Variants in PPARGC1A observed in about 807,000 individuals in gnomAD.
The protein encoded by PPARGC1A is peroxisome proliferator-activated receptor gamma coactivator 1-alpha.
In PPARGC1A, 25 loss-of-function variants were observed where a neutral mutation model predicts 88.7. The observed-to-expected ratio is 0.28, with a 90% CI of 0.21 to 0.39. The LOEUF (loss-of-function observed/expected upper bound fraction) is 0.39. PPARGC1A is among the 10% of genes least tolerant of loss of function. The pLI is 1.00. For synonymous variants in PPARGC1A, 363 were observed against 355.6 expected, an observed-to-expected ratio of 1.02 and a Z score of -0.24; for missense variants, 880 against 968.7, an observed-to-expected ratio of 0.91 and a Z score of 1.22.
At chr4:24,286,246 G>C in the PPARGC1A span, among the ~76,000 whole-genome samples, 10 of 152,100 alleles carry the variant, frequency 6.6e-5, no homozygotes, top group African/African-American at 9.7e-5. Flanking sequence ...GCTACCGAGG[G>C]AAAGTTGTCC....
At chr4:24,387,762 G>GAAACAAAGAAAGAAAGAA in the PPARGC1A span, among the ~76,000 whole-genome samples, 1 of 73,040 alleles carries the variant, frequency 1.4e-5, no homozygotes, top group East Asian at 4.4e-4. Flanking sequence ...GAGAGAGAGA[G>GAAACAAAGAAAGAAAGAA]AGAGAGAAAG....
At chr4:23,821,919 T>C (rs966270495) in intron 7 of PPARGC1A, among the ~76,000 whole-genome samples, 2 of 152,096 alleles carry the variant, frequency 1.3e-5, no homozygotes, top group African/African-American at 2.4e-5. Flanking sequence ...AATCACGATA[T>C]ACTACTTTTA....
chr4:23,889,297 T>C (rs1451672440), intron 1 of PPARGC1A: 1 of 985,250 alleles, frequency 1.0e-6, no homozygotes, highest in African/African-American at 1.7e-5. Flanking sequence ...GGCGTTTCTT[T>C]TTATTCGCTG....
At chr4:24,439,631 G>C in the PPARGC1A span, among the ~76,000 whole-genome samples, 2 of 152,174 alleles carry the variant, frequency 1.3e-5, no homozygotes, top group Non-Finnish European at 2.9e-5. Flanking sequence ...GTGAAAAAAA[G>C]ATTTCCAGAA....
chr4:24,134,191 T>C, the PPARGC1A span, among the ~76,000 whole-genome samples: 5 of 152,336 alleles, frequency 3.3e-5, no homozygotes, highest in African/African-American at 1.2e-4. Flanking sequence ...TAAATTGCAA[T>C]AAACCCCATA....
the PPARGC1A span, among the ~76,000 whole-genome samples, chr4:24,299,416 T>G: frequency 6.6e-6 from 1 of 152,204 alleles, no homozygotes; most frequent in Admixed American, 6.5e-5. Flanking sequence ...CAAGTGTGAC[T>G]TAGGAACCTA....
At chr4:23,990,630 A>G in the PPARGC1A span, among the ~76,000 whole-genome samples, 3 of 152,066 alleles carry the variant, frequency 2.0e-5, no homozygotes, top group Admixed American at 2.0e-4. Context: ...ATCCCTGGAG[A>G]ACTGAGTTAG....
chr4:23,920,805 A>G, the PPARGC1A span, among the ~76,000 whole-genome samples: 2 of 152,170 alleles, frequency 1.3e-5, no homozygotes, highest in Non-Finnish European at 2.9e-5. Context: ...TACTGAAATG[A>G]CTGAAGCCAG....
the PPARGC1A span, among the ~76,000 whole-genome samples, chr4:24,247,086 T>G: frequency 6.6e-6 from 1 of 152,024 alleles, no homozygotes; most frequent in Non-Finnish European, 1.5e-5. Context: ...AGAAAGAGAG[T>G]GAGATTGTGA....
chr4:24,430,012 C>G, the PPARGC1A span, among the ~76,000 whole-genome samples: 37 of 152,106 alleles, frequency 2.4e-4, no homozygotes, highest in Non-Finnish European at 4.9e-4. Flanking sequence ...CAGTCCTGGT[C>G]CTATGTAAGA....
At chr4:24,343,192 C>T in the PPARGC1A span, among the ~76,000 whole-genome samples, 2 of 152,160 alleles carry the variant, frequency 1.3e-5, no homozygotes, top group East Asian at 1.9e-4. Context: ...ATACTTCCCA[C>T]GTTAGTGTCA....
chr4:24,142,141 T>C, the PPARGC1A span, among the ~76,000 whole-genome samples: 8 of 152,208 alleles, frequency 5.3e-5, no homozygotes, highest in African/African-American at 1.9e-4. Context: ...TGTTGAGGCA[T>C]AATTCCTTCC....
rs748949024 is a variant in PPARGC1A, at chr4:23,814,621, A to T, written c.878-16T>A. The T allele has an allele frequency of 5.3e-4, 143 of 270,820 alleles. No individual in the cohort carries two copies. In the Admixed American group the frequency reaches 6.0e-3, roughly 11 times the overall value. 16.8% of individuals were successfully genotyped at this position (270,820 alleles called of 1,614,324 possible). A position where few individuals can be genotyped will look rare whatever the true frequency, so the allele number is the denominator to read the frequency against. On this transcript the variant is annotated splice_polypyrimidine_tract_variant and intron_variant, in intron 7 of 12. Transcript: ENST00000264867. ...GGAGTTAGGCCTAAGGCAAAAATTAAAAAAAAAAAAAAAAAGAGAGAGAAA... is the reference window on the plus strand; with the variant it reads ...GGAGTTAGGCCTAAGGCAAAAATTATAAAAAAAAAAAAAAAGAGAGAGAAA...
chr4:24,301,611 C>CAA, the PPARGC1A span, among the ~76,000 whole-genome samples: 5,256 of 79,276 alleles, frequency 0.066, 373 homozygotes, highest in African/African-American at 0.19. Flanking sequence ...CACCTATTGC[C>CAA]AAAAAAAAAA....
chr4:24,471,180 C>A, the PPARGC1A span, among the ~76,000 whole-genome samples: 22 of 151,904 alleles, frequency 1.4e-4, no homozygotes, highest in Non-Finnish European at 2.5e-4. The surrounding 1 kb of genome is among the most constrained non-coding windows in gnomAD (Gnocchi z 5.4). Context: ...CAGCTCCCCC[C>A]GCGGTGCGCG....
At chr4:23,927,750 T>C in the PPARGC1A span, among the ~76,000 whole-genome samples, 157 of 152,302 alleles carry the variant, frequency 1.0e-3, 1 homozygote, top group Middle Eastern at 3.4e-3. Flanking sequence ...TCAGAAGGGA[T>C]GGAATCTTGA....
At chr4:24,012,919 C>T in the PPARGC1A span, among the ~76,000 whole-genome samples, 7 of 152,086 alleles carry the variant, frequency 4.6e-5, no homozygotes, top group Non-Finnish European at 1.0e-4. Context: ...TGGAAGCAGC[C>T]ACCCATCATC....
chr4:24,142,748 C>T, the PPARGC1A span, among the ~76,000 whole-genome samples: 1 of 152,032 alleles, frequency 6.6e-6, no homozygotes, highest in African/African-American at 2.4e-5. Flanking sequence ...TTTAACAAGA[C>T]CTCAAGGAGA....
At chr4:24,018,950 A>G in the PPARGC1A span, among the ~76,000 whole-genome samples, 1 of 152,234 alleles carries the variant, frequency 6.6e-6, no homozygotes, top group African/African-American at 2.4e-5. Context: ...TATACCAGGG[A>G]TACACCTAGG....
Sources: gnomAD v4.1 joint callset for allele counts (sites outside exome capture counted in the v4.1 genomes callset) on GRCh38, gnomAD v4.1.1 for gene constraint, Gnocchi (gnomAD v3.1) non-coding constraint, MANE v1.5 for transcripts, NCBI Gene and HGNC (gene_info 2026-07-23, HGNC 2026-07-21) for gene names.